The following TRIM3 variants were observed in gnomAD, a reference collection of about 807,000 sequenced individuals.
TRIM3 encodes tripartite motif-containing protein 3.
TRIM3 carries 13 observed loss-of-function variants against 66.6 expected under a neutral mutation model. That is an observed-to-expected ratio of 0.20 (90% CI 0.13 to 0.31). The LOEUF (loss-of-function observed/expected upper bound fraction) is 0.31. Among genes scored for constraint, TRIM3 ranks in the 10% least tolerant of loss-of-function variants. TRIM3 has a pLI of 1.00. For missense variants in TRIM3, 711 were observed against 1,020.4 expected (o/e 0.70, Z 4.13); for synonymous variants, 406 against 411.7 (o/e 0.99, Z 0.17).
chr11:6,465,522 C>G lies in TRIM3; in HGVS notation c.131+43G>C, dbSNP rs374170222. ...ACAGGGGAGGAGGATCCTCATCCTC[C>G]CCACAGGGTCCTCATCCCTCCCCAG... On this transcript the variant is annotated intron_variant, in intron 2 of 11. Transcript: ENST00000345851. 133 of 1,611,182 alleles carry G rather than the reference C, an allele frequency of 8.3e-5. 1 individual carries two copies. In the African/African-American group the frequency reaches 1.1e-3, roughly 14 times the overall value.
At chr11:6,455,116 T>C (rs1564964324) in intron 7 of TRIM3, among the ~76,000 whole-genome samples, 2 of 152,150 alleles carry the variant, frequency 1.3e-5, no homozygotes, top group Non-Finnish European at 2.9e-5. Context: ...CCTCCAGCAC[T>C]TTCCCACCTG....
chr11:6,460,720 G>C (rs185612717), intron 2 of TRIM3, among the ~76,000 whole-genome samples: 1 of 152,072 alleles, frequency 6.6e-6, no homozygotes, highest in Non-Finnish European at 1.5e-5. Flanking sequence ...CAAATTTGTG[G>C]AGTGAAGATC....
chr11:6,467,957 C>G (rs866097537), intron 1 of TRIM3, among the ~76,000 whole-genome samples: 1 of 152,120 alleles, frequency 6.6e-6, no homozygotes, highest in African/African-American at 2.4e-5. Flanking sequence ...AGGGTATCAT[C>G]TGAGCTACAA....
In TRIM3 at chr11:6,451,015, C is replaced by T. The variant is rs778368657; in HGVS notation, c.1747G>A (p.Val583Ile). 1.1e-5 allele frequency: 18 copies of T among 1,614,074 alleles called. No homozygotes were observed. Among genetic ancestry groups the T allele is most frequent in the African/African-American group, 2.7e-5 (2 of 74,910 alleles). The change falls in exon 9 of 12, where the codon GTA (valine) becomes ATA (isoleucine). Residue 583 changes from valine (V) to isoleucine (I), a missense_variant. Val to Ile is a conservative substitution (Grantham distance 29). Coordinates refer to ENST00000345851, the MANE Select transcript of TRIM3 (RefSeq NM_033278.4). ...ACAATGATATGTCCATTCCGGTCTA[C>T]GGCCACTCCCTTGGGGCCCATGAGG... Reference protein sequence around the residue: ...GRLMGPKGVAVDRNGHIIVVD... With the variant: ...GRLMGPKGVAIDRNGHIIVVD...
At chr11:6,464,986 C>CA (rs544959608) in intron 2 of TRIM3, among the ~76,000 whole-genome samples, 2,668 of 53,916 alleles carry the variant, frequency 0.049, 235 homozygotes, top group Non-Finnish European at 0.055. Flanking sequence ...GACTCCATCT[C>CA]AAAAAAAAAA....
chr11:6,458,216 T>C lies in TRIM3; in HGVS notation c.212A>G (p.Gln71Arg). The change falls in exon 3 of 12, where the codon CAG becomes CGG. Residue 71 changes from glutamine to arginine, a missense_variant. Around this residue, in one of 3 missense-constraint regions of TRIM3, gnomAD observed 149 missense variants for 240.3 expected, o/e 0.62. Transcript: ENST00000345851. The surrounding 1 kb of genome is among the most constrained non-coding windows in gnomAD (Gnocchi z 6.2). ...VCRQTSILPE[Q>R]GVSALQNNFF... ...GTTGTTCTGCAGTGCCGAGACGCCCTGCTCTGGGAGGATGGACGTCTGCCG... is the reference window on the plus strand; with the variant it reads ...GTTGTTCTGCAGTGCCGAGACGCCCCGCTCTGGGAGGATGGACGTCTGCCG... 9.3e-6 allele frequency: 15 copies of C among 1,614,222 alleles called. No homozygotes were observed. The highest frequency in any genetic ancestry group is 1.3e-5 in the Non-Finnish European group (15 of 1,180,044).
rs1049379895 is a variant in TRIM3 at position 6,457,684 on chromosome 11, C to A, written c.515+12G>T. The A allele has an allele frequency of 2.0e-5, 32 of 1,609,098 alleles. No individual in the cohort carries two copies. The highest frequency in any genetic ancestry group is 2.6e-5 in the Non-Finnish European group (31 of 1,176,838). Reference sequence around the variant, plus strand: ...GTGGCCCCACCAGCCCAGGACCCTGCCCAGTGCCTACCGGCCACGCACAGC... The same window carrying A: ...GTGGCCCCACCAGCCCAGGACCCTGACCAGTGCCTACCGGCCACGCACAGC... On this transcript the variant is annotated intron_variant, in intron 4 of 11. Coordinates refer to ENST00000345851, the MANE Select transcript of TRIM3 (RefSeq NM_033278.4). The surrounding 1 kb of genome is among the most constrained non-coding windows in gnomAD (Gnocchi z 4.5).
At position 6,465,617 on chromosome 11, in the gene TRIM3, C is replaced by A. The variant is rs897140828; in HGVS notation, c.79G>T (p.Asp27Tyr). ...KQFLVCSICL[D>Y]RYQCPKVLPC... is the part of the protein sequence containing the mutation. ...AGAACCTTGGGGCACTGGTACCGAT[C>A]CAGGCAGATGCTGCATACCAGGAAC... The change falls in exon 2 of 12, where the codon GAT becomes TAT. Residue 27 changes from aspartate (D) to tyrosine (Y), a missense_variant. By Grantham distance (160) the Asp-to-Tyr change is radical. Transcript: ENST00000345851. 1.2e-6 allele frequency: 2 copies of A among 1,614,192 alleles called. No individual in the cohort carries two copies. Among genetic ancestry groups the A allele is most frequent in the South Asian group, 1.1e-5 (1 of 91,086 alleles).
Position 6,456,860 on chromosome 11 carries a change from C to T in TRIM3, c.866G>A (p.Arg289Gln), listed in dbSNP as rs1227828415. The T allele has an allele frequency of 9.3e-6, 15 of 1,612,792 alleles. No homozygotes were observed. Among genetic ancestry groups the T allele is most frequent in the Middle Eastern group, 3.3e-4 (2 of 6,062 alleles). The change falls in exon 6 of 12, where the codon CGG becomes CAG. Residue 289 changes from arginine (R) to glutamine (Q), a missense_variant. Physicochemically the swap from Arg to Gln is conservative, Grantham distance 43. Transcript: ENST00000345851. The surrounding 1 kb of genome is among the most constrained non-coding windows in gnomAD (Gnocchi z 6.4). Reference sequence around the variant, plus strand: ...TTCCAGCTGTGCATTCTCATGTGGCCGCTCCGGGAAGGCCTGTGCCGCCAA... The same window carrying T: ...TTCCAGCTGTGCATTCTCATGTGGCTGCTCCGGGAAGGCCTGTGCCGCCAA... ...AALAAQAFPERPHENAQLELV... is the reference protein window; with the variant it reads ...AALAAQAFPEQPHENAQLELV...
In TRIM3 at chr11:6,458,495, G is replaced by A. The variant is rs1025118785; in HGVS notation, c.132-199C>T. On this transcript the variant is annotated intron_variant, in intron 2 of 11. Coordinates refer to ENST00000345851, the MANE Select transcript of TRIM3 (RefSeq NM_033278.4). This position sits in a 1 kb window ranked among gnomAD's most constrained non-coding sequence, Gnocchi z 6.2. ...TTACAACTGAGTAGGAACACACCCC[G>A]ACCCCTCTCAGAAGAGCAGACTATC... is the stretch of plus-strand genomic sequence containing the variant. 3.9e-5 allele frequency among the ~76,000 whole-genome samples: 6 copies of A among 152,158 alleles called. No homozygotes were observed. The highest frequency in any genetic ancestry group is 7.2e-5 in the African/African-American group (3 of 41,492).
rs1275093517 is a variant in TRIM3, at chr11:6,457,942, AC to A, written c.364-96del. 1.3e-6 allele frequency: 2 copies of A among 1,559,790 alleles called. No individual in the cohort carries two copies. Among genetic ancestry groups the A allele is most frequent in the Non-Finnish European group, 1.7e-6 (2 of 1,148,082 alleles). ...TCCCTGCCCCTCACCTTCTAAGTGC[AC>A]CCCCTACCTGGACCACTAATCCAGA... On this transcript the variant is annotated intron_variant, in intron 3 of 11. Coordinates refer to ENST00000345851, the MANE Select transcript of TRIM3 (RefSeq NM_033278.4). This position sits in a 1 kb window ranked among gnomAD's most constrained non-coding sequence, Gnocchi z 4.5.
Position 6,457,952 on chromosome 11 carries a change from T to C in TRIM3, c.364-105A>G. On this transcript the variant is annotated intron_variant, in intron 3 of 11. Transcript: ENST00000345851. This position sits in a 1 kb window ranked among gnomAD's most constrained non-coding sequence, Gnocchi z 4.5. ...TCACCTTCTAAGTGCACCCCCTACC[T>C]GGACCACTAATCCAGAGCAGTACCC... 6.5e-7 allele frequency: 1 copy of C among 1,548,096 alleles called. No individual in the cohort carries two copies. Among genetic ancestry groups the C allele is most frequent in the Non-Finnish European group, 8.8e-7 (1 of 1,139,448 alleles).
At position 6,456,403 on chromosome 11, in the gene TRIM3, G is replaced by T. The variant is rs756964309; in HGVS notation, c.1323C>A (p.Pro441=). 1 of 1,529,484 alleles carries T rather than the reference G, an allele frequency of 6.5e-7. No individual in the cohort carries two copies. Among genetic ancestry groups the T allele is most frequent in the East Asian group, 2.3e-5 (1 of 44,010 alleles). The allele number at this position is 1,529,484 out of a possible 1,614,324, so 94.7% of individuals were successfully genotyped here. A position where few individuals can be genotyped will look rare whatever the true frequency, so the allele number is the denominator to read the frequency against. ...CTGCCTTCTGGCGCACATGGCTGCC[G>T]GGGCCGCCAGGGGACTTGACACGGC... ...VKRRVKSPGG[P]GSHVRQKAVR... Residue 441 remains proline (P), a synonymous_variant, in exon 6 of 12, where the codon CCC becomes CCA. Transcript: ENST00000345851. This position sits in a 1 kb window ranked among gnomAD's most constrained non-coding sequence, Gnocchi z 6.4.
chr11:6,453,101 A>C (rs984252398), intron 7 of TRIM3: 1 of 152,234 alleles, frequency 6.6e-6, no homozygotes, highest in Non-Finnish European at 1.5e-5. Context: ...TGGCATAAGG[A>C]CTGCATCTGT....
rs775651527 is a variant in TRIM3, at chr11:6,456,169, C to T, written c.1436G>A (p.Arg479His). 1.9e-6 allele frequency: 3 copies of T among 1,613,992 alleles called. No individual in the cohort carries two copies. Among genetic ancestry groups the T allele is most frequent in the African/African-American group, 1.3e-5 (1 of 74,888 alleles). The change falls in exon 7 of 12, where the codon CGT becomes CAT. Residue 479 changes from arginine (R) to histidine (H), a missense_variant. Physicochemically the swap from Arg to His is conservative, Grantham distance 29 (BLOSUM62 0). This residue lies in a region of TRIM3 where 399 missense variants were observed against 458.1 expected (regional missense o/e 0.87). Transcript: ENST00000345851. This position sits in a 1 kb window ranked among gnomAD's most constrained non-coding sequence, Gnocchi z 6.4. ...GGTGAATTCACCTTTCTCCCTTCCA[C>T]GACTGCCTGTGGGAAGGGACAGGAG... ...EDELVFRVGS[R>H]GREKGEFTNL...
At position 6,450,856 on chromosome 11, in the gene TRIM3, G is replaced by T. The variant is rs780730822; in HGVS notation, c.1870+36C>A. On this transcript the variant is annotated intron_variant, in intron 9 of 11. Transcript: ENST00000345851. This position sits in a 1 kb window ranked among gnomAD's most constrained non-coding sequence, Gnocchi z 4.8. ...ATCTAGGGGAGTTCTCTGGAACAGG[G>T]GTATCAGCATAGATCTTGGAGCTGT... The T allele has an allele frequency of 1.2e-6, 2 of 1,611,086 alleles. No homozygotes were observed. The highest frequency in any genetic ancestry group is 8.5e-7 in the Non-Finnish European group (1 of 1,177,912).
chr11:6,463,384 G>A (rs935394019), intron 2 of TRIM3, among the ~76,000 whole-genome samples: 3 of 152,208 alleles, frequency 2.0e-5, no homozygotes, highest in Admixed American at 1.3e-4. Flanking sequence ...ATCAATACAT[G>A]GTAGCTACTG....
chr11:6,448,894 G>T lies in TRIM3; in HGVS notation c.*134C>A, dbSNP rs1849607714. 1 of 1,101,144 alleles carries T rather than the reference G, an allele frequency of 9.1e-7. No individual in the cohort carries two copies. The highest frequency in any genetic ancestry group is 1.3e-6 in the Non-Finnish European group (1 of 742,626). The allele number at this position is 1,101,144 out of a possible 1,614,324, so 68.2% of individuals were successfully genotyped here. On this transcript the variant is annotated 3_prime_UTR_variant, in exon 12 of 12. Coordinates refer to ENST00000345851, the MANE Select transcript of TRIM3 (RefSeq NM_033278.4). ...AACCGTGGGGGTGGGGGTAGGAGAG[G>T]GAGGGCACCGGGTGCACCCATGCCC...
Position 6,450,880 on chromosome 11 carries a change from GT to G in TRIM3, c.1870+11del, listed in dbSNP as rs749189062. 27 of 1,613,922 alleles carry G rather than the reference GT, an allele frequency of 1.7e-5. No homozygotes were observed. The highest frequency in any genetic ancestry group is 2.2e-5 in the Non-Finnish European group (26 of 1,179,968). ...GGGTATCAGCATAGATCTTGGAGCTGTCCCCCTATACCTGCAAAGTGGCGGT... is the reference window on the plus strand; with the variant it reads ...GGGTATCAGCATAGATCTTGGAGCTGCCCCCTATACCTGCAAAGTGGCGGT... On this transcript the variant is annotated intron_variant, in intron 9 of 11. Coordinates refer to ENST00000345851, the MANE Select transcript of TRIM3 (RefSeq NM_033278.4). The surrounding 1 kb of genome is among the most constrained non-coding windows in gnomAD (Gnocchi z 4.8).
Sources: gnomAD v4.1 joint callset for allele counts (sites outside exome capture counted in the v4.1 genomes callset) on GRCh38, gnomAD v4.1.1 for gene constraint, gnomAD v4.1.1 regional missense constraint, Gnocchi (gnomAD v3.1) non-coding constraint, MANE v1.5 for transcripts, NCBI Gene and HGNC (gene_info 2026-07-23, HGNC 2026-07-21) for gene names.